ZNF503: variants seen among roughly 807,000 people sequenced by gnomAD.
The protein encoded by ZNF503 is NocA-like zinc finger 2.
A neutral mutation model predicts 34.4 loss-of-function variants in ZNF503; 15 were observed. The ratio of observed to expected loss-of-function variants is 0.44; its 90% confidence interval spans 0.29 to 0.67. The LOEUF (loss-of-function observed/expected upper bound fraction) is 0.67, where lower values mean the gene tolerates loss of function less well. Among genes scored for constraint, ZNF503 ranks in the 30% least tolerant of loss-of-function variants. The pLI is 0.13. For missense variants in ZNF503, 1,007 were observed against 926.8 expected (o/e 1.09, Z -1.12); for synonymous variants, 580 against 456.8 (o/e 1.27, Z -3.44).
downstream of ZNF503, among the ~76,000 whole-genome samples, chr10:75,397,647 G>A (rs1446636360): frequency 6.6e-6 from 1 of 152,122 alleles, no homozygotes; most frequent in Non-Finnish European, 1.5e-5. Flanking sequence ...CTAAAAATAT[G>A]TTCCCCAAGG....
the ZNF503 span, among the ~76,000 whole-genome samples, chr10:75,302,489 A>G: frequency 2.0e-5 from 3 of 152,170 alleles, no homozygotes; most frequent in Non-Finnish European, 4.4e-5. Context: ...AATTACAGAT[A>G]TGTGGGTACC....
the ZNF503 span, among the ~76,000 whole-genome samples, chr10:75,333,248 T>C: frequency 6.8e-5 from 4 of 58,726 alleles, no homozygotes; most frequent in Admixed American, 1.7e-4. Flanking sequence ...CCCCCCCACC[T>C]CCCTCCCGGA....
chr10:75,333,498 G>A, the ZNF503 span, among the ~76,000 whole-genome samples: 245 of 49,628 alleles, frequency 4.9e-3, 4 homozygotes, highest in African/African-American at 0.021. Flanking sequence ...GTGGCTGGCC[G>A]GGCTGAGGGG....
chr10:75,316,106 C>G, the ZNF503 span, among the ~76,000 whole-genome samples: 1 of 152,130 alleles, frequency 6.6e-6, no homozygotes, highest in Non-Finnish European at 1.5e-5. Context: ...GGGAAACAGA[C>G]AGCAACACAA....
chr10:75,310,839 G>C, the ZNF503 span, among the ~76,000 whole-genome samples: 3 of 152,058 alleles, frequency 2.0e-5, no homozygotes, highest in Non-Finnish European at 4.4e-5. Context: ...CCCCCAACCA[G>C]AGCAGTGTCA....
chr10:75,365,944 C>T, the ZNF503 span, among the ~76,000 whole-genome samples: 4 of 152,182 alleles, frequency 2.6e-5, no homozygotes, highest in African/African-American at 7.2e-5. Flanking sequence ...GCGTGCCTCT[C>T]GCTTTCCCAG....
chr10:75,371,124 C>A, the ZNF503 span, among the ~76,000 whole-genome samples: 1 of 152,186 alleles, frequency 6.6e-6, no homozygotes. Context: ...AGGTTAGGAT[C>A]TGAGAGGACC....
At chr10:75,373,066 C>A in the ZNF503 span, among the ~76,000 whole-genome samples, 1 of 152,362 alleles carries the variant, frequency 6.6e-6, no homozygotes, top group Admixed American at 6.5e-5. Context: ...GAAAAACGAA[C>A]CTCTTCTTAA....
At chr10:75,394,417 C>T (rs890731066), downstream of ZNF503, among the ~76,000 whole-genome samples, 4 of 152,222 alleles carry the variant, frequency 2.6e-5, no homozygotes, top group Admixed American at 2.0e-4. Context: ...TAGCCACATT[C>T]GGTGAGGAAC....
Position 75,401,284 on chromosome 10 carries a change from C to T in ZNF503, c.136G>A (p.Gly46Ser). 7.0e-6 allele frequency: 11 copies of T among 1,579,040 alleles called. No individual in the cohort carries two copies. The highest frequency in any genetic ancestry group is 9.4e-6 in the Non-Finnish European group (11 of 1,164,588). ...LSGNSSGPGP[G>S]SSPAGSTKPF... ...TTGGTGCTGCCGGCCGGGGACGAGC[C>T]TGGGCCGGGGCCGGAGCTATTTCCA... Residue 46 changes from glycine to serine, a missense_variant, in exon 1 of 2, where the codon GGC (glycine) becomes AGC (serine). Coordinates refer to ENST00000372524, the MANE Select transcript of ZNF503 (RefSeq NM_032772.6).
chr10:75,338,964 A>G, the ZNF503 span, among the ~76,000 whole-genome samples: 6 of 152,276 alleles, frequency 3.9e-5, no homozygotes, highest in East Asian at 9.6e-4. Context: ...ACGGTGGCTC[A>G]TGCCTGTAAT....
At chr10:75,314,215 C>G in the ZNF503 span, among the ~76,000 whole-genome samples, 1 of 119,610 alleles carries the variant, frequency 8.4e-6, no homozygotes, top group African/African-American at 3.2e-5. Flanking sequence ...CCAGCCTGGG[C>G]AACAGAGCGA....
the ZNF503 span, chr10:75,360,936 G>A: frequency 2.0e-5 from 3 of 152,292 alleles, no homozygotes; most frequent in Non-Finnish European, 4.4e-5. Flanking sequence ...GGTAGAGAGA[G>A]AGACAGGCCC....
At chr10:75,355,865 G>T in the ZNF503 span, among the ~76,000 whole-genome samples, 55 of 152,222 alleles carry the variant, frequency 3.6e-4, no homozygotes, top group African/African-American at 1.3e-3. Context: ...TTCGAAGGCT[G>T]AAGGTGACTC....
At chr10:75,368,877 C>G in the ZNF503 span, among the ~76,000 whole-genome samples, 6 of 152,210 alleles carry the variant, frequency 3.9e-5, no homozygotes, top group Non-Finnish European at 8.8e-5. Flanking sequence ...CAAAGTGATT[C>G]TTTCAGCTCT....
At chr10:75,378,868 T>C in the ZNF503 span, among the ~76,000 whole-genome samples, 1 of 152,054 alleles carries the variant, frequency 6.6e-6, no homozygotes, top group Non-Finnish European at 1.5e-5. Flanking sequence ...ATTCTCTTTC[T>C]TCCTGGCACC....
chr10:75,323,362 T>C, the ZNF503 span, among the ~76,000 whole-genome samples: 1 of 152,226 alleles, frequency 6.6e-6, no homozygotes, highest in South Asian at 2.1e-4. Flanking sequence ...TTCATTTCTC[T>C]TGGCCAAGTA....
the ZNF503 span, among the ~76,000 whole-genome samples, chr10:75,357,922 A>G: frequency 2.0e-5 from 3 of 152,186 alleles, no homozygotes; most frequent in African/African-American, 7.2e-5. Context: ...GAGTCTCCTC[A>G]TCTGGAAATG....
chr10:75,298,221 G>A, the ZNF503 span, among the ~76,000 whole-genome samples: 17 of 152,150 alleles, frequency 1.1e-4, no homozygotes, highest in African/African-American at 3.6e-4. Flanking sequence ...ATACTGTAAA[G>A]CCTACACTTT....
Sources: allele counts gnomAD v4.1 joint callset (sites outside exome capture counted in the v4.1 genomes callset), GRCh38; gene constraint gnomAD v4.1.1; transcripts MANE v1.5; gene names NCBI Gene and HGNC (gene_info 2026-07-23, HGNC 2026-07-21).